MTFR1: variants seen among roughly 807,000 people sequenced by gnomAD.
The protein encoded by MTFR1 is chondrocyte protein with a poly-proline region.
In MTFR1, 28 loss-of-function variants were observed where a neutral mutation model predicts 38.8. The ratio of observed to expected loss-of-function variants is 0.72; its 90% CI spans 0.53 to 0.99. The LOEUF (loss-of-function observed/expected upper bound fraction) is 0.99. Ranked by LOEUF, MTFR1 falls within the 50% of genes least tolerant of loss-of-function variation. The probability of loss-of-function intolerance (pLI) is 0.00; values close to 1 mark genes in which losing one functional copy is unlikely to be tolerated. For synonymous variants in MTFR1, 145 were observed against 137.0 expected (o/e 1.06, Z -0.41); for missense variants, 358 against 395.5 (o/e 0.91, Z 0.81).
chr8:65,700,727 A>ATCAT (rs1161283756), intron 4 of MTFR1, among the ~76,000 whole-genome samples: 1 of 152,232 alleles, frequency 6.6e-6, no homozygotes, highest in Non-Finnish European at 1.5e-5. Flanking sequence ...AAAGCTTTGC[A>ATCAT]TCAGAGCAAA....
chr8:65,747,942 G>C (rs1807758049), intron 3 of MTFR1: 2 of 485,382 alleles, frequency 4.1e-6, no homozygotes, highest in Admixed American at 3.9e-5. Flanking sequence ...TGAAAGAAGT[G>C]ATACTTTATT....
intron 1 of MTFR1, among the ~76,000 whole-genome samples, chr8:65,663,691 C>G (rs940833238): frequency 6.6e-6 from 1 of 151,882 alleles, no homozygotes; most frequent in Admixed American, 6.6e-5. Context: ...CTGGAGCTCT[C>G]TTAATTACTT....
At chr8:65,761,949 T>C (rs1026947579) in intron 3 of MTFR1, among the ~76,000 whole-genome samples, 1 of 152,194 alleles carries the variant, frequency 6.6e-6, no homozygotes, top group Non-Finnish European at 1.5e-5. Flanking sequence ...CCACAACCGA[T>C]GTCACAAAAG....
chr8:65,747,585 A>G, intron 3 of MTFR1: 1 of 940,354 alleles, frequency 1.1e-6, no homozygotes, highest in East Asian at 2.6e-5. Context: ...TCATTACTGT[A>G]TGGGGAATAA....
intron 2 of MTFR1, among the ~76,000 whole-genome samples, chr8:65,670,729 G>T (rs1804546303): frequency 6.6e-6 from 1 of 150,534 alleles, no homozygotes; most frequent in Non-Finnish European, 1.5e-5. Context: ...TTTGAACAGG[G>T]AGTCTTGCTG....
At chr8:65,732,580 C>T (rs1806946376) in intron 3 of MTFR1, among the ~76,000 whole-genome samples, 1 of 152,190 alleles carries the variant, frequency 6.6e-6, no homozygotes, top group South Asian at 2.1e-4. Context: ...TGCAGTGGCA[C>T]TATCACTACT....
At chr8:65,655,888 G>T (rs537022116) in intron 1 of MTFR1, among the ~76,000 whole-genome samples, 2 of 143,222 alleles carry the variant, frequency 1.4e-5, no homozygotes, top group Admixed American at 1.4e-4. Context: ...GGCAGAAGTT[G>T]CAGCGAGCTG....
At chr8:65,651,420 G>A (rs1237340597) in intron 1 of MTFR1, among the ~76,000 whole-genome samples, 1 of 152,150 alleles carries the variant, frequency 6.6e-6, no homozygotes, top group Non-Finnish European at 1.5e-5. Flanking sequence ...TCTTGCAGTA[G>A]TTTCATAGTT....
intron 3 of MTFR1, among the ~76,000 whole-genome samples, chr8:65,753,894 T>C (rs192786718): frequency 1.9e-3 from 296 of 152,326 alleles, no homozygotes; most frequent in Non-Finnish European, 3.6e-3. Flanking sequence ...ACCTTTTTTT[T>C]CAAAACTTAA....
At chr8:65,715,551 C>CA (rs1188858302), downstream of MTFR1, among the ~76,000 whole-genome samples, 2 of 151,238 alleles carry the variant, frequency 1.3e-5, no homozygotes, top group East Asian at 4.0e-4. Flanking sequence ...CTAATTTTTG[C>CA]ATTTTTAGTA....
chr8:65,662,060 T>TCTCTCCCTCTCTTTCCACAGTCTCC (rs1563435772), intron 1 of MTFR1, among the ~76,000 whole-genome samples: 2 of 68,288 alleles, frequency 2.9e-5, no homozygotes, highest in Non-Finnish European at 6.1e-5. Context: ...TCTCCCTCTC[T>TCTCTCCCTCTCTTTCCACAGTCTCC]CTCTCCCTCT....
At chr8:65,746,542 A>G (rs1463220646) in intron 3 of MTFR1, among the ~76,000 whole-genome samples, 1 of 152,186 alleles carries the variant, frequency 6.6e-6, no homozygotes, top group Non-Finnish European at 1.5e-5. Context: ...GGCCCTAAAA[A>G]CCAAATATTT....
At chr8:65,730,171 C>CTTCTTTT (rs1295965698) in intron 3 of MTFR1, among the ~76,000 whole-genome samples, 1,302 of 86,404 alleles carry the variant, frequency 0.015, 284 homozygotes, top group Middle Eastern at 0.024. Context: ...TTGCGCACTT[C>CTTCTTTT]TTTTTTTTTT....
chr8:65,727,173 G>C, intron 3 of MTFR1: 1 of 1,559,528 alleles, frequency 6.4e-7, no homozygotes, highest in Non-Finnish European at 8.8e-7. Context: ...CACTAACCTT[G>C]TATAAAGTTG....
chr8:65,724,943 G>C, intron 3 of MTFR1: 1 of 1,534,818 alleles, frequency 6.5e-7, no homozygotes, highest in Non-Finnish European at 8.9e-7. Context: ...GAAATATAAA[G>C]AGAAAATATA....
intron 3 of MTFR1, among the ~76,000 whole-genome samples, chr8:65,737,529 G>C (rs758621458): frequency 6.6e-6 from 1 of 152,238 alleles, no homozygotes; most frequent in South Asian, 2.1e-4. Flanking sequence ...TTTTGAGACA[G>C]AGTCTCATTC....
rs1202656747 is a variant in MTFR1 at position 65,767,454 on chromosome 8, C to T, written c.*49-3493C>T. 2.6e-5 allele frequency among the ~76,000 whole-genome samples: 4 copies of T among 152,126 alleles called. No individual in the cohort carries two copies. In the South Asian group the frequency reaches 6.2e-4, roughly 24 times the overall value. On this transcript the variant is annotated intron_variant, in intron 3 of 3. Transcript: ENST00000521247. ...ACAGTCCCAGGCTAACTCCTATATCCCTTGTTACAGTCTTTTATTAAAACG... is the reference window on the plus strand; with the variant it reads ...ACAGTCCCAGGCTAACTCCTATATCTCTTGTTACAGTCTTTTATTAAAACG...
At chr8:65,752,771 C>T (rs1808027101) in intron 3 of MTFR1, among the ~76,000 whole-genome samples, 1 of 152,168 alleles carries the variant, frequency 6.6e-6, no homozygotes, top group Non-Finnish European at 1.5e-5. Context: ...AAATCAGACA[C>T]TCTAAACTGT....
At chr8:65,689,479 T>C (rs1805206313) in intron 3 of MTFR1, 1 of 684,414 alleles carries the variant, frequency 1.5e-6, no homozygotes, top group Non-Finnish European at 2.1e-6. Context: ...TTTAGTGTTA[T>C]TATTGAATTT....
Sources: gnomAD v4.1 joint callset for allele counts (sites outside exome capture counted in the v4.1 genomes callset) on GRCh38, gnomAD v4.1.1 for gene constraint, MANE v1.5 for transcripts, NCBI Gene and HGNC (gene_info 2026-07-23, HGNC 2026-07-21) for gene names.